GALNT13: variants seen among roughly 807,000 people sequenced by gnomAD.
The protein encoded by GALNT13 is UDP-GalNAc:polypeptide N-acetylgalactosaminyltransferase 13.
In GALNT13, 28 loss-of-function variants were observed where a neutral mutation model predicts 64.2. That is an observed-to-expected ratio of 0.44 (90% CI 0.32 to 0.60). The LOEUF (loss-of-function observed/expected upper bound fraction) is 0.60. Ranked by LOEUF, GALNT13 falls within the 20% of genes least tolerant of loss-of-function variation. The pLI is 0.05. For synonymous variants in GALNT13, 214 were observed against 224.6 expected (o/e 0.95, Z 0.42); for missense variants, 577 against 669.8 (o/e 0.86, Z 1.53).
chr2:154,213,719 A>G (rs1687897909), intron 4 of GALNT13, among the ~76,000 whole-genome samples: 1 of 152,118 alleles, frequency 6.6e-6, no homozygotes. Flanking sequence ...CATTTTTCTG[A>G]AAGAAGGGAG....
intron 3 of GALNT13, among the ~76,000 whole-genome samples, chr2:154,096,471 A>G (rs1442069041): frequency 3.9e-5 from 6 of 152,068 alleles, no homozygotes; most frequent in Non-Finnish European, 8.8e-5. Flanking sequence ...CAACACTAAA[A>G]TGATTCTCAA....
intron 11 of GALNT13, among the ~76,000 whole-genome samples, chr2:154,423,045 A>G (rs1231514592): frequency 6.7e-6 from 1 of 149,586 alleles, no homozygotes; most frequent in African/African-American, 2.5e-5. Context: ...TATTTCTCCT[A>G]ATGTTATCCC....
the GALNT13 span, among the ~76,000 whole-genome samples, chr2:153,141,038 C>G: frequency 2.0e-5 from 3 of 146,816 alleles, no homozygotes; most frequent in African/African-American, 7.3e-5. Context: ...TCTGTCCATC[C>G]CCTGTCAAAG....
intron 3 of GALNT13, among the ~76,000 whole-genome samples, chr2:154,120,572 C>G (rs1227624864): frequency 6.6e-6 from 1 of 152,024 alleles, no homozygotes. Flanking sequence ...TAGAAGTCTC[C>G]CTGGCTCAGC....
chr2:154,365,503 C>T (rs1559115459), intron 9 of GALNT13, among the ~76,000 whole-genome samples: 1 of 152,114 alleles, frequency 6.6e-6, no homozygotes, highest in African/African-American at 2.4e-5. Context: ...CTGTGCATTA[C>T]TATGATTCAT....
chr2:153,633,907 T>G, the GALNT13 span, among the ~76,000 whole-genome samples: 1 of 152,236 alleles, frequency 6.6e-6, no homozygotes, highest in South Asian at 2.1e-4. Context: ...TGGACAGAAC[T>G]GTCAATCTTT....
chr2:153,797,716 A>T, the GALNT13 span, among the ~76,000 whole-genome samples: 3 of 152,210 alleles, frequency 2.0e-5, no homozygotes, highest in Admixed American at 6.5e-5. Context: ...ACATCTTTAG[A>T]CAAGAAGCTT....
At chr2:153,098,509 T>A in the GALNT13 span, among the ~76,000 whole-genome samples, 1 of 152,320 alleles carries the variant, frequency 6.6e-6, no homozygotes, top group Admixed American at 6.5e-5. Context: ...AATATTTTAG[T>A]TTTGCTTTTC....
At chr2:154,449,191 G>A (rs1179147037) in intron 12 of GALNT13, among the ~76,000 whole-genome samples, 2 of 151,798 alleles carry the variant, frequency 1.3e-5, no homozygotes, top group Non-Finnish European at 2.9e-5. Context: ...TCTCAATCTT[G>A]AAATCTCCTT....
At chr2:153,231,698 C>A in the GALNT13 span, among the ~76,000 whole-genome samples, 1 of 152,012 alleles carries the variant, frequency 6.6e-6, no homozygotes, top group African/African-American at 2.4e-5. Context: ...AGCAAAGGAA[C>A]CACAGAGCTG....
chr2:153,761,001 CTG>C, the GALNT13 span, among the ~76,000 whole-genome samples: 1 of 151,878 alleles, frequency 6.6e-6, no homozygotes, highest in Non-Finnish European at 1.5e-5. Context: ...TCTTTTTTTA[CTG>C]TGTTTGATTT....
chr2:153,711,003 A>C, the GALNT13 span, among the ~76,000 whole-genome samples: 2 of 152,114 alleles, frequency 1.3e-5, no homozygotes, highest in Non-Finnish European at 2.9e-5. Flanking sequence ...ATATAAGCAA[A>C]TAACACTTTC....
the GALNT13 span, among the ~76,000 whole-genome samples, chr2:153,842,493 C>T: frequency 6.6e-6 from 1 of 152,048 alleles, no homozygotes; most frequent in African/African-American, 2.4e-5. Flanking sequence ...CACACAGTCT[C>T]TTACAAAAGA....
the GALNT13 span, among the ~76,000 whole-genome samples, chr2:153,243,632 G>A: frequency 6.9e-6 from 1 of 144,528 alleles, no homozygotes; most frequent in Non-Finnish European, 1.5e-5. Flanking sequence ...TGGGAATGTG[G>A]TTTTTGCCTG....
At chr2:154,227,537 G>A (rs1163346268) in intron 4 of GALNT13, among the ~76,000 whole-genome samples, 2 of 133,626 alleles carry the variant, frequency 1.5e-5, no homozygotes, top group Non-Finnish European at 3.0e-5. Flanking sequence ...GTGTCCATGT[G>A]TTCTCATTGT....
intron 4 of GALNT13, among the ~76,000 whole-genome samples, chr2:154,144,621 A>C (rs945668561): frequency 6.6e-6 from 1 of 152,138 alleles, no homozygotes; most frequent in African/African-American, 2.4e-5. Context: ...CCTTTAAACT[A>C]TTTTGGCTAA....
chr2:153,074,003 G>C, the GALNT13 span, among the ~76,000 whole-genome samples: 2 of 152,042 alleles, frequency 1.3e-5, no homozygotes, highest in African/African-American at 2.4e-5. Context: ...CAAACTGATG[G>C]TCATATGTAG....
At chr2:153,094,989 A>G in the GALNT13 span, among the ~76,000 whole-genome samples, 37,304 of 152,032 alleles carry the variant, frequency 0.25, 4,846 homozygotes, top group Admixed American at 0.29. Context: ...CAAGGACTTC[A>G]TGACTAAAAC....
intron 3 of GALNT13, among the ~76,000 whole-genome samples, chr2:154,132,525 G>T (rs1389146751): frequency 2.0e-5 from 3 of 151,804 alleles, no homozygotes; most frequent in Admixed American, 1.3e-4. Flanking sequence ...TATTTGTGGG[G>T]GTGATGATAT....
Sources: gnomAD v4.1 joint callset for allele counts (sites outside exome capture counted in the v4.1 genomes callset) on GRCh38, gnomAD v4.1.1 for gene constraint, MANE v1.5 for transcripts, NCBI Gene and HGNC (gene_info 2026-07-23, HGNC 2026-07-21) for gene names.